The following TRNAU1AP variants were observed in gnomAD, a reference collection of about 807,000 sequenced individuals.
TRNAU1AP encodes the protein tRNA selenocysteine 1-associated protein 1.
Under a neutral mutation model 43.3 loss-of-function variants are expected in TRNAU1AP, and 33 were observed. That is an observed-to-expected ratio of 0.76 (90% confidence interval 0.58 to 1.02). TRNAU1AP has a LOEUF of 1.02. TRNAU1AP is among the 50% of genes least tolerant of loss of function. The pLI, the probability that TRNAU1AP is intolerant of heterozygous loss-of-function variation, is 0.00. For synonymous variants in TRNAU1AP, 143 were observed against 129.1 expected, an observed-to-expected ratio of 1.11 and a Z score of -0.73; for missense variants, 290 against 362.7, an observed-to-expected ratio of 0.80 and a Z score of 1.63.
Position 28,578,253 on chromosome 1 carries a change from A to T in TRNAU1AP, c.*617A>T, listed in dbSNP as rs1432125951. On this transcript the variant is annotated 3_prime_UTR_variant, in exon 9 of 9. Transcript: ENST00000373830. ...TTTAGGATCAATATTTTGACACGGG[A>T]GAAGGCAGCTCAGAAAGGATTAAGG... 2 of 159,810 alleles carry T rather than the reference A, an allele frequency of 1.3e-5. No homozygotes were observed. The highest frequency in any genetic ancestry group is 4.8e-5 in the African/African-American group (2 of 41,464). 9.9% of individuals were successfully genotyped at this position (159,810 alleles called of 1,614,324 possible).
chr1:28,577,074 A>G (rs1665804611), intron 8 of TRNAU1AP, among the ~76,000 whole-genome samples: 1 of 152,198 alleles, frequency 6.6e-6, no homozygotes, highest in Non-Finnish European at 1.5e-5. Flanking sequence ...TCTAAAGTAC[A>G]TACACACACA....
Position 28,558,863 on chromosome 1 carries a change from C to T in TRNAU1AP, c.126-1770C>T, listed in dbSNP as rs77016913. On this transcript the variant is annotated intron_variant, in intron 2 of 8. Transcript: ENST00000373830. ...TACAGGCGTGAGCCACCGCGCCTGG[C>T]GAAACTGGACGTTTTCTTACATAAC... Among the ~76,000 whole-genome samples, 383 of 152,228 alleles carry T rather than the reference C, an allele frequency of 2.5e-3. 1 individual carries two copies. The highest frequency in any genetic ancestry group is 9.0e-3 in the African/African-American group (372 of 41,556).
intron 5 of TRNAU1AP, 148 bp downstream of exon 5, chr1:28,564,982 A>C: frequency 1.1e-6 from 1 of 900,992 alleles, no homozygotes; most frequent in Non-Finnish European, 1.8e-6. Context: ...CAGCTCCAAT[A>C]CAGGTGAGGG....
chr1:28,561,535 G>A, intron 4 of TRNAU1AP, 137 bp downstream of exon 4: 1 of 959,256 alleles, frequency 1.0e-6, no homozygotes, highest in South Asian at 1.5e-5. Flanking sequence ...CCTTGCTGGT[G>A]GACCTTCCTG....
chr1:28,556,378 C>T (rs772576153), intron 2 of TRNAU1AP, among the ~76,000 whole-genome samples: 3 of 151,564 alleles, frequency 2.0e-5, no homozygotes, highest in Non-Finnish European at 4.4e-5. Context: ...GAAGGAGAAT[C>T]GTTTGAACCC....
rs145215228 is a variant in TRNAU1AP, at chr1:28,577,652, A to G, written c.*16A>G. ...CATGATGTAGCCAGGCCAAAGGACA[A>G]GCCAGGTTGCATGATGTGAGGGAGA... On this transcript the variant is annotated 3_prime_UTR_variant, in exon 9 of 9. Transcript: ENST00000373830. 12,754 of 1,608,184 alleles carry G rather than the reference A, an allele frequency of 7.9e-3. 69 individuals are homozygous for G. The highest frequency in any genetic ancestry group is 9.8e-3 in the Non-Finnish European group (11,532 of 1,177,364).
chr1:28,557,610 G>C (rs1047269768), intron 2 of TRNAU1AP, among the ~76,000 whole-genome samples: 30 of 150,754 alleles, frequency 2.0e-4, no homozygotes, highest in African/African-American at 7.3e-4. Flanking sequence ...TTTCTTTTGA[G>C]ACAGAGTCTT....
At chr1:28,569,198 C>T (rs548406386) in intron 6 of TRNAU1AP, among the ~76,000 whole-genome samples, 2 of 152,264 alleles carry the variant, frequency 1.3e-5, no homozygotes, top group African/African-American at 4.8e-5. Context: ...TTAGTGACTT[C>T]TCCCAAAAAT....
chr1:28,562,004 G>A (rs1665419007), intron 4 of TRNAU1AP, among the ~76,000 whole-genome samples: 2 of 152,018 alleles, frequency 1.3e-5, no homozygotes, highest in Admixed American at 6.6e-5. Flanking sequence ...CCCAGGGAGG[G>A]CTACAATGAT....
intron 6 of TRNAU1AP, among the ~76,000 whole-genome samples, chr1:28,569,374 A>G (rs763293269): frequency 7.2e-5 from 11 of 152,034 alleles, no homozygotes; most frequent in Non-Finnish European, 1.6e-4. Flanking sequence ...TAGCCCAGGC[A>G]ACAGAGTGAG....
rs532294717 is a variant in TRNAU1AP, at chr1:28,575,398, C to T, written c.728-2102C>T. Among the ~76,000 whole-genome samples, 11 of 151,984 alleles carry T rather than the reference C, an allele frequency of 7.2e-5. No homozygotes were observed. In the South Asian group the frequency reaches 2.3e-3, roughly 32 times the overall value. ...TCTATCTTTTGACCTCATGATCCGC[C>T]CGCCTCTGCCTCCCAATGCTGGGAT... On this transcript the variant is annotated intron_variant, in intron 8 of 8. Transcript: ENST00000373830.
chr1:28,569,022 G>T (rs1391739874), intron 6 of TRNAU1AP, among the ~76,000 whole-genome samples: 1 of 152,030 alleles, frequency 6.6e-6, no homozygotes, highest in African/African-American at 2.4e-5. Flanking sequence ...TGTTGATCAG[G>T]CTGGTCTTGA....
At chr1:28,562,616 T>C (rs1665436305) in intron 4 of TRNAU1AP, among the ~76,000 whole-genome samples, 1 of 151,740 alleles carries the variant, frequency 6.6e-6, no homozygotes, top group African/African-American at 2.4e-5. Context: ...AGTCTCACTC[T>C]GTTGCCCAGG....
intron 4 of TRNAU1AP, 130 bp from the exon 5 acceptor site, chr1:28,564,573 C>A: frequency 1.8e-6 from 2 of 1,097,208 alleles, no homozygotes; most frequent in Non-Finnish European, 2.6e-6. Flanking sequence ...AAAGTAGGGG[C>A]TGGTTAAGTA....
intron 4 of TRNAU1AP, among the ~76,000 whole-genome samples, chr1:28,561,638 A>G (rs576776707): frequency 2.0e-5 from 3 of 152,300 alleles, no homozygotes; most frequent in African/African-American, 7.2e-5. Flanking sequence ...AGTTTTATTC[A>G]ATAAGAATTG....
At chr1:28,555,948 G>C (rs1360000037) in intron 2 of TRNAU1AP, among the ~76,000 whole-genome samples, 1 of 151,698 alleles carries the variant, frequency 6.6e-6, no homozygotes, top group Admixed American at 6.6e-5. Flanking sequence ...CCACCTCCTG[G>C]GTTCAAGCCA....
chr1:28,555,675 T>C (rs1665244027), intron 2 of TRNAU1AP, among the ~76,000 whole-genome samples: 1 of 151,844 alleles, frequency 6.6e-6, no homozygotes, highest in African/African-American at 2.4e-5. Flanking sequence ...GGTTTAAAAA[T>C]AGAGATGAGA....
At position 28,577,595 on chromosome 1, in the gene TRNAU1AP, C is replaced by A. The variant is rs561613532; in HGVS notation, c.823C>A (p.Pro275Thr). ...YDALMDCHWQ[P>T]LDTVSSEIPA... ...CGCTCTGATGGACTGTCACTGGCAG[C>A]CCCTGGACACAGTGTCTTCAGAGAT... The change falls in exon 9 of 9, where the codon CCC becomes ACC. Residue 275 changes from proline to threonine, a missense_variant. Physicochemically the swap from Pro to Thr is conservative, Grantham distance 38. Transcript: ENST00000373830. 6.2e-7 allele frequency: 1 copy of A among 1,614,110 alleles called. No individual in the cohort carries two copies. The highest frequency in any genetic ancestry group is 1.3e-5 in the African/African-American group (1 of 75,018).
In TRNAU1AP at chr1:28,575,455, G is replaced by GT. The variant is rs778900360; in HGVS notation, c.728-2036dup. 2.2e-3 allele frequency among the ~76,000 whole-genome samples: 306 copies of GT among 137,890 alleles called. 2 individuals carry two copies. Among genetic ancestry groups the GT allele is most frequent in the Non-Finnish European group, 3.4e-3 (217 of 63,074 alleles). The allele number at this position is 137,890 out of a possible 152,430, so 90.5% of individuals were successfully genotyped here. On this transcript the variant is annotated intron_variant, in intron 8 of 8. Transcript: ENST00000373830. ...TGTGAACCACTGCGCCAGGCCCAATGTTTTTTTTTGTTTTTTTTTTTTTTG... is the reference window on the plus strand; with the variant it reads ...TGTGAACCACTGCGCCAGGCCCAATGTTTTTTTTTTGTTTTTTTTTTTTTTG...
Sources: gnomAD v4.1 joint callset for allele counts (sites outside exome capture counted in the v4.1 genomes callset) on GRCh38, gnomAD v4.1.1 for gene constraint, MANE v1.5 for transcripts, NCBI Gene and HGNC (gene_info 2026-07-23, HGNC 2026-07-21) for gene names.